DGKA: variants seen among roughly 807,000 people sequenced by gnomAD.
DGKA encodes diacylglycerol kinase alpha.
Under a neutral mutation model 105.0 loss-of-function variants are expected in DGKA, and 35 were observed. That is an observed-to-expected ratio of 0.33 (90% CI 0.25 to 0.44). DGKA has a LOEUF of 0.44. Among genes scored for constraint, DGKA ranks in the 20% least tolerant of loss-of-function variants. DGKA has a pLI of 1.00. For missense variants in DGKA, 665 were observed against 915.0 expected, an observed-to-expected ratio of 0.73 and a Z score of 3.53; for synonymous variants, 296 against 332.0, an observed-to-expected ratio of 0.89 and a Z score of 1.18.
upstream of DGKA, among the ~76,000 whole-genome samples, chr12:55,928,639 T>C (rs888426681): frequency 8.8e-6 from 1 of 113,750 alleles, no homozygotes; most frequent in Admixed American, 1.3e-4. Flanking sequence ...ATCGCTCCAC[T>C]GCACTCCAGC....
chr12:55,938,705 C>T (rs776698326), intron 6 of DGKA, 145 bp downstream of exon 6: 16 of 1,572,672 alleles, frequency 1.0e-5, no homozygotes, highest in Non-Finnish European at 1.4e-5. Context: ...GAAAGTAAGT[C>T]CCAAGCTCTT....
chr12:55,942,165 C>T lies in DGKA; in HGVS notation c.1337-9C>T, dbSNP rs777350358. 6 of 1,614,066 alleles carry T rather than the reference C, an allele frequency of 3.7e-6. No individual in the cohort carries two copies. In the East Asian group the frequency reaches 1.1e-4, roughly 30 times the overall value. ...CTCACTCCATCCTTCTCTTCACCTG[C>T]CTCCGCAGACAAAGCTAACTTGCCA... On this transcript the variant is annotated splice_polypyrimidine_tract_variant and intron_variant, in intron 16 of 23. Transcript: ENST00000331886.
intron 17 of DGKA, among the ~76,000 whole-genome samples, chr12:55,949,460 A>G (rs1887710709): frequency 6.6e-6 from 1 of 152,218 alleles, no homozygotes; most frequent in South Asian, 2.1e-4. Flanking sequence ...CGGCCTCCCA[A>G]AGTGCTGGGA....
At chr12:55,939,724 TA>T in intron 9 of DGKA, 195 bp downstream of exon 9, 1 of 624,716 alleles carries the variant, frequency 1.6e-6, no homozygotes, top group Non-Finnish European at 2.8e-6. Flanking sequence ...TTGTGAGCAT[TA>T]AAAAAGTTGG....
intron 17 of DGKA, chr12:55,942,544 T>G (rs982576183): frequency 2.5e-6 from 1 of 402,560 alleles, no homozygotes; most frequent in Non-Finnish European, 4.7e-6. Flanking sequence ...TCAAGGAATA[T>G]GGGGGTGGGG....
rs111286159 is a variant in DGKA, at chr12:55,938,739, T to G, written c.400-176T>G. 2,714 of 1,537,522 alleles carry G rather than the reference T, an allele frequency of 1.8e-3. 47 individuals are homozygous for G. In the African/African-American group the frequency reaches 0.033, roughly 19 times the overall value. ...TTGACCCCTCAAAGAGAATGCTGGA[T>G]ACATGAATTGGGTCTGCCTTACAAA... On this transcript the variant is annotated intron_variant, in intron 6 of 23. Coordinates refer to ENST00000331886, the MANE Select transcript of DGKA (RefSeq NM_001345.5).
At chr12:55,928,676 CAAAAAAAAAAAAAAA>C (rs56280303), upstream of DGKA, among the ~76,000 whole-genome samples, 7 of 47,260 alleles carry the variant, frequency 1.5e-4, no homozygotes, top group African/African-American at 5.3e-4. Context: ...GACCCCGTCT[CAAAAAAAAAAAAAAA>C]AAAAAAAAAA....
chr12:55,948,826 A>G (rs950604729), intron 17 of DGKA, among the ~76,000 whole-genome samples: 7 of 151,964 alleles, frequency 4.6e-5, no homozygotes, highest in Admixed American at 1.3e-4. Flanking sequence ...GATCGAGACC[A>G]TCCTGGCTAA....
chr12:55,952,484 G>C lies in DGKA; in HGVS notation c.1743+53G>C. 1 of 1,560,562 alleles carries C rather than the reference G, an allele frequency of 6.4e-7. No individual in the cohort carries two copies. Among genetic ancestry groups the C allele is most frequent in the Non-Finnish European group, 8.8e-7 (1 of 1,131,426 alleles). ...TCCTTTTCAGCTTCTTAATAGCCAA[G>C]TTTCTCCCTCCATGGCACCCTTAGG... On this transcript the variant is annotated intron_variant, in intron 20 of 23. Transcript: ENST00000331886. This position sits in a 1 kb window ranked among gnomAD's most constrained non-coding sequence, Gnocchi z 5.1.
rs759923526 is a variant in DGKA, at chr12:55,940,036, G to C, written c.710-46G>C. 1.1e-5 allele frequency: 17 copies of C among 1,519,320 alleles called. No homozygotes were observed. The highest frequency in any genetic ancestry group is 3.7e-6 in the Non-Finnish European group (4 of 1,094,560). 94.1% of individuals were successfully genotyped at this position (1,519,320 alleles called of 1,614,324 possible). Reference sequence around the variant, plus strand: ...TCACCCTCAGGTAAGAAGGAAATAGGGGGAGAGGCTCAGCTAAGCCTCCCA... The same window carrying C: ...TCACCCTCAGGTAAGAAGGAAATAGCGGGAGAGGCTCAGCTAAGCCTCCCA... On this transcript the variant is annotated intron_variant, in intron 9 of 23. Coordinates refer to ENST00000331886, the MANE Select transcript of DGKA (RefSeq NM_001345.5). This position sits in a 1 kb window ranked among gnomAD's most constrained non-coding sequence, Gnocchi z 4.3.
At chr12:55,937,909 C>A (rs1250878268) in intron 4 of DGKA, 69 bp from the exon 5 acceptor site, 5 of 1,378,576 alleles carry the variant, frequency 3.6e-6, no homozygotes, top group East Asian at 2.3e-5. Context: ...AGAGGTGGGA[C>A]AAACAAAGGA....
chr12:55,927,527 G>T, upstream of DGKA: 1 of 706,728 alleles, frequency 1.4e-6, no homozygotes, highest in East Asian at 2.7e-5. Flanking sequence ...TCTCAGAGCG[G>T]CTTGGTGACG....
intron 1 of DGKA, among the ~76,000 whole-genome samples, chr12:55,934,033 T>TTAAAGAGC (rs1205774592): frequency 1.3e-5 from 2 of 152,200 alleles, no homozygotes; most frequent in Non-Finnish European, 2.9e-5. Flanking sequence ...AAATGACCTT[T>TTAAAGAGC]TAAAGAGCTA....
chr12:55,951,787 A>G lies in DGKA; in HGVS notation c.1587+4A>G. 1 of 1,613,288 alleles carries G rather than the reference A, an allele frequency of 6.2e-7. No individual in the cohort carries two copies. The highest frequency in any genetic ancestry group is 8.5e-7 in the Non-Finnish European group (1 of 1,179,698). The stretch of plus-strand genomic sequence containing the variant: ...TAACTACTTCTCTATTGGCGTGGTC[A>G]GTGGAATGGGGCCTGGGGAGAAGGG... On this transcript the variant is annotated splice_donor_region_variant and intron_variant, in intron 18 of 23. Coordinates refer to ENST00000331886, the MANE Select transcript of DGKA (RefSeq NM_001345.5).
At chr12:55,930,161 C>CACT (rs1316180706), upstream of DGKA, among the ~76,000 whole-genome samples, 9 of 151,992 alleles carry the variant, frequency 5.9e-5, no homozygotes, top group African/African-American at 1.9e-4. Flanking sequence ...CACATTGCAC[C>CACT]ACTCATTGAT....
Position 55,952,023 on chromosome 12 carries a change from C to T in DGKA, c.1588-12C>T, listed in dbSNP as rs774075856. On this transcript the variant is annotated splice_polypyrimidine_tract_variant and intron_variant, in intron 18 of 23. Coordinates refer to ENST00000331886, the MANE Select transcript of DGKA (RefSeq NM_001345.5). This position sits in a 1 kb window ranked among gnomAD's most constrained non-coding sequence, Gnocchi z 5.1. ...GAGCTCTGTACTGACCTTCATGTCC[C>T]GAACTCTCCAGGATGCCTCTATTGC... 1.4e-5 allele frequency: 23 copies of T among 1,613,742 alleles called. No homozygotes were observed. Among genetic ancestry groups the T allele is most frequent in the Admixed American group, 1.3e-4 (8 of 59,968 alleles).
chr12:55,952,747 C>G lies in DGKA; in HGVS notation c.1757C>G (p.Pro586Arg), dbSNP rs766481183. ...CCCTCCTCTCAGATCTGTGGGAAAC[C>G]GCTGGATCTGAGCAACCTGTCCCTA... ...ESLTVEICGKPLDLSNLSLEG... is the reference protein window; with the variant it reads ...ESLTVEICGKRLDLSNLSLEG... The change falls in exon 21 of 24, where the codon CCG becomes CGG. Residue 586 changes from proline (P) to arginine (R), a missense_variant. Pro to Arg is a moderately radical substitution (Grantham distance 103). Transcript: ENST00000331886. This position sits in a 1 kb window ranked among gnomAD's most constrained non-coding sequence, Gnocchi z 5.1. The G allele has an allele frequency of 1.2e-6, 2 of 1,614,006 alleles. No individual in the cohort carries two copies. Among genetic ancestry groups the G allele is most frequent in the East Asian group, 2.2e-5 (1 of 44,874 alleles).
At chr12:55,943,755 C>T (rs1003568627) in intron 17 of DGKA, among the ~76,000 whole-genome samples, 3 of 151,936 alleles carry the variant, frequency 2.0e-5, no homozygotes, top group African/African-American at 7.3e-5. Context: ...TCTCTGAGTG[C>T]TCATTATAAC....
At position 55,938,533 on chromosome 12, in the gene DGKA, G is replaced by A. The variant is rs745363675; in HGVS notation, c.372G>A (p.Thr124=). 18 of 1,613,912 alleles carry A rather than the reference G, an allele frequency of 1.1e-5. No individual in the cohort carries two copies. Among genetic ancestry groups the A allele is most frequent in the African/African-American group, 2.7e-5 (2 of 74,852 alleles). Residue 124 remains threonine (T), a synonymous_variant, in exon 6 of 24, where the codon ACG becomes ACA. Transcript: ENST00000331886. ...KLEFTFKLYD[T]DRNGILDSSE... ...CAGTCACCTTCAAGCTGTACGACAC[G>A]GACAGAAATGGGATCCTGGACAGCT...
Sources: gnomAD v4.1 joint callset for allele counts (sites outside exome capture counted in the v4.1 genomes callset) on GRCh38, gnomAD v4.1.1 for gene constraint, Gnocchi (gnomAD v3.1) non-coding constraint, MANE v1.5 for transcripts, NCBI Gene and HGNC (gene_info 2026-07-23, HGNC 2026-07-21) for gene names.